Variants in LIMS1 observed in about 807,000 individuals in gnomAD.
LIMS1 encodes the protein LIM zinc finger domain containing 1.
A neutral mutation model predicts 44.1 loss-of-function variants in LIMS1; 18 were observed. The observed-to-expected ratio is 0.41, with a 90% CI of 0.28 to 0.61. LIMS1 has a LOEUF of 0.61. Ranked by LOEUF, LIMS1 falls within the 20% of genes least tolerant of loss-of-function variation. The pLI is 0.32. For synonymous variants in LIMS1, 93 were observed against 149.1 expected (o/e 0.62, Z 2.74); for missense variants, 201 against 422.0 (o/e 0.48, Z 4.59).
intron 1 of LIMS1, among the ~76,000 whole-genome samples, chr2:108,553,974 A>AT (rs532777428): frequency 5.3e-4 from 80 of 149,860 alleles, no homozygotes; most frequent in Non-Finnish European, 9.3e-4. Context: ...ATTCTCTTTT[A>AT]TTTTTTTAGA....
intron 1 of LIMS1, among the ~76,000 whole-genome samples, chr2:108,647,944 A>G (rs1391341186): frequency 3.3e-5 from 5 of 152,224 alleles, no homozygotes. Context: ...TATTCAACAT[A>G]GTATTAGAAG....
chr2:108,642,351 T>TG (rs1231408860), intron 1 of LIMS1, among the ~76,000 whole-genome samples: 2 of 8,910 alleles, frequency 2.2e-4, no homozygotes, highest in African/African-American at 3.9e-4. Flanking sequence ...TGTTTTTTTT[T>TG]TTTTTTGTTT....
chr2:108,539,273 C>T (rs1684241228), intron 1 of LIMS1, among the ~76,000 whole-genome samples: 1 of 152,130 alleles, frequency 6.6e-6, no homozygotes, highest in Non-Finnish European at 1.5e-5. Context: ...TTTGTAGTGA[C>T]AGGGTTTCCC....
At chr2:108,602,459 T>C (rs1687065297) in intron 1 of LIMS1, among the ~76,000 whole-genome samples, 1 of 152,242 alleles carries the variant, frequency 6.6e-6, no homozygotes, top group South Asian at 2.1e-4. Flanking sequence ...TGTTGAGGTA[T>C]GCTTTTATAC....
intron 1 of LIMS1, among the ~76,000 whole-genome samples, chr2:108,549,665 T>G (rs1684618553): frequency 6.6e-6 from 1 of 152,184 alleles, no homozygotes; most frequent in Non-Finnish European, 1.5e-5. Flanking sequence ...TTTCCTCAAC[T>G]TTCCATATTA....
intron 1 of LIMS1, among the ~76,000 whole-genome samples, chr2:108,598,325 G>A (rs1558802873): frequency 6.6e-6 from 1 of 152,118 alleles, no homozygotes; most frequent in Admixed American, 6.5e-5. Context: ...GTGTCACCTG[G>A]TATGTCTTAG....
intron 1 of LIMS1, among the ~76,000 whole-genome samples, chr2:108,625,750 G>A (rs558840573): frequency 6.6e-6 from 1 of 152,260 alleles, no homozygotes; most frequent in South Asian, 2.1e-4. Context: ...TTCCTGGATG[G>A]ATCAGGTTAA....
chr2:108,607,013 TA>T (rs1462199964), intron 1 of LIMS1: 1 of 576,392 alleles, frequency 1.7e-6, no homozygotes, highest in Non-Finnish European at 3.1e-6. Context: ...CCAAAATTCA[TA>T]TGTTGAACTT....
At position 108,675,450 on chromosome 2, in the gene LIMS1, G is replaced by T. The variant is rs188149532; in HGVS notation, c.531-428G>T. Among the ~76,000 whole-genome samples, 845 of 152,116 alleles carry T rather than the reference G, an allele frequency of 5.6e-3. 3 individuals carry two copies. Among genetic ancestry groups the T allele is most frequent in the Non-Finnish European group, 7.9e-3 (540 of 68,016 alleles). ...TTCATGATGTAATCACCCCTTAGAG[G>T]TCCTACCTCTCAACACCTCAGAATT... On this transcript the variant is annotated intron_variant, in intron 5 of 9. Transcript: ENST00000544547.
chr2:108,582,110 T>C (rs920709873), intron 1 of LIMS1, among the ~76,000 whole-genome samples: 11 of 152,224 alleles, frequency 7.2e-5, no homozygotes, highest in African/African-American at 2.4e-4. Flanking sequence ...TTGTGTGATA[T>C]TGATGAGTTA....
intron 1 of LIMS1, among the ~76,000 whole-genome samples, chr2:108,649,191 G>C (rs1690286521): frequency 6.6e-6 from 1 of 152,210 alleles, no homozygotes; most frequent in Non-Finnish European, 1.5e-5. Flanking sequence ...CTTCTCAAAA[G>C]AAGATATTTA....
rs184022307 is a variant in LIMS1, at chr2:108,586,396, A to G, written c.32+51802A>G. 3.9e-5 allele frequency among the ~76,000 whole-genome samples: 6 copies of G among 152,318 alleles called. No homozygotes were observed. In the East Asian group the frequency reaches 1.2e-3, roughly 29 times the overall value. On this transcript the variant is annotated intron_variant, in intron 1 of 9. Transcript: ENST00000544547. Reference sequence around the variant, plus strand: ...ATGTGAGTTTATGGACTGACATCAAACAGACCTTGTTGGGACTGAAGGCCT... The same window carrying G: ...ATGTGAGTTTATGGACTGACATCAAGCAGACCTTGTTGGGACTGAAGGCCT...
At chr2:108,537,182 G>C (rs1160773437) in intron 1 of LIMS1, among the ~76,000 whole-genome samples, 2 of 152,192 alleles carry the variant, frequency 1.3e-5, no homozygotes, top group Non-Finnish European at 2.9e-5. Flanking sequence ...CAATGCTACA[G>C]TGACTTCTTA....
At chr2:108,553,420 G>A (rs904529444) in intron 1 of LIMS1, among the ~76,000 whole-genome samples, 6 of 152,134 alleles carry the variant, frequency 3.9e-5, no homozygotes, top group African/African-American at 7.2e-5. Context: ...GAGTAAGTGC[G>A]GGTCATAATA....
chr2:108,555,679 A>C (rs2104599993), intron 1 of LIMS1, among the ~76,000 whole-genome samples: 1 of 152,302 alleles, frequency 6.6e-6, no homozygotes, highest in South Asian at 2.1e-4. Context: ...GTTCACATGA[A>C]AGTTGGTGGA....
chr2:108,613,305 T>G (rs766031125), intron 1 of LIMS1, among the ~76,000 whole-genome samples: 1 of 152,140 alleles, frequency 6.6e-6, no homozygotes, highest in Non-Finnish European at 1.5e-5. Flanking sequence ...ATTATTAGAG[T>G]CAAAGTAGGT....
intron 1 of LIMS1, among the ~76,000 whole-genome samples, chr2:108,548,116 G>A (rs1684549239): frequency 6.6e-6 from 1 of 152,218 alleles, no homozygotes; most frequent in Non-Finnish European, 1.5e-5. Flanking sequence ...GTCATTGAAT[G>A]TGTTTACATG....
At chr2:108,681,212 C>G (rs1180056639) in intron 9 of LIMS1, 103 of 1,252,152 alleles carry the variant, frequency 8.2e-5, no homozygotes, top group Non-Finnish European at 1.0e-4. Context: ...TGCTTTCTTC[C>G]CCCCCTGCAA....
At position 108,660,735 on chromosome 2, in the gene LIMS1, C is replaced by CT. The variant is rs201500759; in HGVS notation, c.192+974dup. 16 of 183,040 alleles carry CT rather than the reference C, an allele frequency of 8.7e-5. No individual in the cohort carries two copies. The East Asian group carries it at 1.8e-3, about 20-fold the overall frequency. The allele number at this position is 183,040 out of a possible 1,614,324, so 11.3% of individuals were successfully genotyped here. The stretch of plus-strand genomic sequence containing the variant: ...CACCATGTCTGGCCTACTGAAACTC[C>CT]TTTCTCACAGTAAACATGTATTTTG... On this transcript the variant is annotated intron_variant, in intron 2 of 9. Transcript: ENST00000544547.
Sources: gnomAD v4.1 joint callset for allele counts (sites outside exome capture counted in the v4.1 genomes callset) on GRCh38, gnomAD v4.1.1 for gene constraint, MANE v1.5 for transcripts, NCBI Gene and HGNC (gene_info 2026-07-23, HGNC 2026-07-21) for gene names.